Variants in DSCAML1 observed in about 807,000 individuals in gnomAD.
The protein encoded by DSCAML1 is DS cell adhesion molecule like 1.
A neutral mutation model predicts 200.5 loss-of-function variants in DSCAML1; 38 were observed. The observed-to-expected ratio is 0.19, with a 90% CI of 0.15 to 0.25. DSCAML1 has a LOEUF of 0.25. Among genes scored for constraint, DSCAML1 ranks in the 10% least tolerant of loss-of-function variants. The pLI is 1.00. For missense variants in DSCAML1, 2,223 were observed against 2,858.8 expected (o/e 0.78, Z 5.07); for synonymous variants, 1,215 against 1,165.0 (o/e 1.04, Z -0.87).
chr11:117,486,336 T>C (rs1270830428), intron 11 of DSCAML1, among the ~76,000 whole-genome samples: 1 of 150,146 alleles, frequency 6.7e-6, no homozygotes, highest in Non-Finnish European at 1.5e-5. Flanking sequence ...GATGTGAAAA[T>C]GGCGGATGTG....
intron 3 of DSCAML1, among the ~76,000 whole-genome samples, chr11:117,681,074 C>G (rs965489343): frequency 2.6e-5 from 4 of 152,200 alleles, no homozygotes; most frequent in Non-Finnish European, 5.9e-5. Context: ...ATTTTCCAGG[C>G]TAAATATCCG....
Position 117,437,467 on chromosome 11 carries a change from A to ACTGGG in DSCAML1, c.4433-63_4433-59dup, listed in dbSNP as rs983780837. The stretch of plus-strand genomic sequence containing the variant: ...GAGATTTGGTGGGAGGCAGGACTGG[A>ACTGGG]CTGGGCTGGGCTGGAAAGGATTTCC... On this transcript the variant is annotated intron_variant, in intron 25 of 32. Transcript: ENST00000651296. This position sits in a 1 kb window ranked among gnomAD's most constrained non-coding sequence, Gnocchi z 5.3. 9 of 1,556,252 alleles carry ACTGGG rather than the reference A, an allele frequency of 5.8e-6. No homozygotes were observed. In the African/African-American group the frequency reaches 9.5e-5, roughly 16 times the overall value.
In DSCAML1 at chr11:117,504,949, G is replaced by T; in HGVS notation, c.2157C>A (p.Pro719=). ...CCTTGGCATGCTTCCACATGACCTTGGGTGGGGGGTAGCCGTCCACCGAGC... is the reference window on the plus strand; with the variant it reads ...CCTTGGCATGCTTCCACATGACCTTTGGTGGGGGGTAGCCGTCCACCGAGC... ...LNCSVDGYPP[P]KVMWKHAKGS... Residue 719 remains proline, a synonymous_variant, in exon 10 of 33, where the codon CCC becomes CCA. Coordinates refer to ENST00000651296, the MANE Select transcript of DSCAML1 (RefSeq NM_020693.4). The surrounding 1 kb of genome is among the most constrained non-coding windows in gnomAD (Gnocchi z 5.0). 3 of 1,610,716 alleles carry T rather than the reference G, an allele frequency of 1.9e-6. No individual in the cohort carries two copies. The highest frequency in any genetic ancestry group is 1.7e-4 in the Middle Eastern group (1 of 6,042).
upstream of DSCAML1, chr11:117,797,361 A>C: frequency 4.6e-6 from 5 of 1,079,230 alleles, no homozygotes; most frequent in Non-Finnish European, 6.0e-6. Context: ...CAGCCCCACA[A>C]GCCCAGGAAC....
chr11:117,552,198 G>C (rs1022859230), intron 3 of DSCAML1, among the ~76,000 whole-genome samples: 4 of 152,164 alleles, frequency 2.6e-5, no homozygotes, highest in African/African-American at 9.6e-5. Context: ...TGGGCTGTGG[G>C]GAATGTCAGT....
intron 3 of DSCAML1, among the ~76,000 whole-genome samples, chr11:117,602,459 C>A (rs1234222962): frequency 6.6e-6 from 1 of 152,158 alleles, no homozygotes; most frequent in African/African-American, 2.4e-5. Context: ...CTCCTAGGTT[C>A]AAGCAATCCT....
intron 3 of DSCAML1, among the ~76,000 whole-genome samples, chr11:117,552,670 G>A (rs951483371): frequency 2.0e-5 from 3 of 152,188 alleles, no homozygotes; most frequent in South Asian, 4.1e-4. Context: ...AAACACTGAC[G>A]TAAAGGAAAG....
At position 117,430,945 on chromosome 11, in the gene DSCAML1, C is replaced by T; in HGVS notation, c.5463G>A (p.Glu1821=). The stretch of plus-strand genomic sequence containing the variant: ...CAAACTTGGCGTGCTGCAGCTGCTC[C>T]TCCAGCTTGGCATGCTCATAGGCCC... ...LARAYEHAKL[E]EQLQHAKFEI... Residue 1821 remains glutamate, a synonymous_variant, in exon 32 of 33, where the codon GAG becomes GAA. Coordinates refer to ENST00000651296, the MANE Select transcript of DSCAML1 (RefSeq NM_020693.4). 6.2e-7 allele frequency: 1 copy of T among 1,614,190 alleles called. No homozygotes were observed. The highest frequency in any genetic ancestry group is 8.5e-7 in the Non-Finnish European group (1 of 1,180,038).
intron 1 of DSCAML1, among the ~76,000 whole-genome samples, chr11:117,784,586 C>T (rs2055318228): frequency 6.6e-6 from 1 of 152,182 alleles, no homozygotes; most frequent in African/African-American, 2.4e-5. Flanking sequence ...TCTGGTGCTG[C>T]CTCTACAGCA....
chr11:117,716,345 C>A (rs1177419821), intron 3 of DSCAML1, among the ~76,000 whole-genome samples: 2 of 152,208 alleles, frequency 1.3e-5, no homozygotes, highest in African/African-American at 4.8e-5. Flanking sequence ...TCATATTTGA[C>A]CCTTTCTGAC....
At position 117,438,075 on chromosome 11, in the gene DSCAML1, G is replaced by C. The variant is rs750259600; in HGVS notation, c.4252C>G (p.Leu1418Val). The C allele has an allele frequency of 1.9e-6, 3 of 1,611,522 alleles. No individual in the cohort carries two copies. Among genetic ancestry groups the C allele is most frequent in the South Asian group, 2.2e-5 (2 of 90,906 alleles). ...NGGSSIRGFV[L>V]QYSVDNSEEW... ...TCGCTGTTGTCCACCGAGTACTGTA[G>C]CACGAAGCCTGCGGAGGGTAGGCCT... Residue 1418 changes from leucine (L) to valine (V), a missense_variant, in exon 25 of 33, where the codon CTA becomes GTA. Transcript: ENST00000651296.
intron 3 of DSCAML1, among the ~76,000 whole-genome samples, chr11:117,617,448 C>G (rs960844749): frequency 1.3e-5 from 2 of 151,956 alleles, no homozygotes; most frequent in African/African-American, 4.8e-5. Context: ...GACTCGGTCT[C>G]TCAAACTGTT....
At chr11:117,696,330 G>T (rs1591411015) in intron 3 of DSCAML1, among the ~76,000 whole-genome samples, 1 of 152,226 alleles carries the variant, frequency 6.6e-6, no homozygotes, top group African/African-American at 2.4e-5. Flanking sequence ...ATGTGAGCTG[G>T]TTTGGGGTAT....
chr11:117,547,476 G>GCCCTACA (rs146511761), intron 3 of DSCAML1, among the ~76,000 whole-genome samples: 2 of 151,760 alleles, frequency 1.3e-5, no homozygotes, highest in African/African-American at 2.4e-5. Flanking sequence ...CTGAAGGACC[G>GCCCTACA]CCCTACACCC....
intron 3 of DSCAML1, among the ~76,000 whole-genome samples, chr11:117,555,083 C>T (rs980231399): frequency 4.6e-5 from 7 of 152,226 alleles, no homozygotes; most frequent in African/African-American, 1.7e-4. Context: ...TGAGCTGCTT[C>T]CTTTTTTTGG....
At chr11:117,753,215 C>T (rs1232292208) in intron 3 of DSCAML1, among the ~76,000 whole-genome samples, 3 of 152,136 alleles carry the variant, frequency 2.0e-5, no homozygotes, top group African/African-American at 7.2e-5. Flanking sequence ...TAGCACAGTG[C>T]ATAAAGAAAG....
intron 2 of DSCAML1, 109 bp from the exon 3 acceptor site, chr11:117,777,046 C>T: frequency 8.6e-7 from 1 of 1,165,892 alleles, no homozygotes; most frequent in Non-Finnish European, 1.2e-6. Context: ...TTCAGCCTCA[C>T]CTTCCCACTT....
intron 30 of DSCAML1, 83 bp from the exon 31 acceptor site, chr11:117,431,811 G>A (rs1178528906): frequency 1.3e-5 from 17 of 1,349,056 alleles, no homozygotes; most frequent in Non-Finnish European, 1.7e-5. Flanking sequence ...GAAAGGGCAG[G>A]GGGGAGCAAG....
intron 3 of DSCAML1, among the ~76,000 whole-genome samples, chr11:117,534,502 C>T (rs1011831976): frequency 2.6e-5 from 4 of 152,152 alleles, no homozygotes; most frequent in Non-Finnish European, 5.9e-5. Flanking sequence ...ACTGGTGCCC[C>T]GCTGAACCAG....
Sources: gnomAD v4.1 joint callset for allele counts (sites outside exome capture counted in the v4.1 genomes callset) on GRCh38, gnomAD v4.1.1 for gene constraint, Gnocchi (gnomAD v3.1) non-coding constraint, MANE v1.5 for transcripts, NCBI Gene and HGNC (gene_info 2026-07-23, HGNC 2026-07-21) for gene names.